ZCCHC17: variants seen among roughly 807,000 people sequenced by gnomAD.
ZCCHC17 encodes the protein zinc finger CCHC-type containing 17.
Under a neutral mutation model 30.6 loss-of-function variants are expected in ZCCHC17, and 18 were observed. That is an observed-to-expected ratio of 0.59 (90% CI 0.41 to 0.87). The LOEUF (loss-of-function observed/expected upper bound fraction) is 0.87. ZCCHC17 is among the 40% of genes least tolerant of loss of function. ZCCHC17 has a pLI of 0.00. For synonymous variants in ZCCHC17, 88 were observed against 92.4 expected (o/e 0.95, Z 0.27); for missense variants, 263 against 284.2 (o/e 0.93, Z 0.54).
intron 5 of ZCCHC17, among the ~76,000 whole-genome samples, chr1:31,339,960 C>CT (rs36008834): frequency 0.2 from 17,902 of 87,562 alleles, 3,458 homozygotes; most frequent in East Asian, 0.34. Context: ...TCTTGGATTT[C>CT]TTTTTTTTTT....
At chr1:31,337,771 G>A (rs1329859544) in intron 4 of ZCCHC17, among the ~76,000 whole-genome samples, 1 of 152,008 alleles carries the variant, frequency 6.6e-6, no homozygotes, top group Non-Finnish European at 1.5e-5. Flanking sequence ...AGGGCTGTGG[G>A]TGTGGGCCGA....
In ZCCHC17 at chr1:31,356,239, C is replaced by T. The variant is rs528076808; in HGVS notation, c.564+7265C>T. On this transcript the variant is annotated intron_variant, in intron 7 of 7. Transcript: ENST00000344147. ...TGTATGGTGGTAAAGGATAGAAACA[C>T]ATTCCAAGGAGGTTATTTGATTTTA... Among the ~76,000 whole-genome samples, 275 of 152,312 alleles carry T rather than the reference C, an allele frequency of 1.8e-3. 1 individual carries two copies. Among genetic ancestry groups the T allele is most frequent in the Middle Eastern group, 6.8e-3 (2 of 294 alleles).
At chr1:31,334,278 C>T (rs879738769) in intron 3 of ZCCHC17, among the ~76,000 whole-genome samples, 8 of 148,440 alleles carry the variant, frequency 5.4e-5, no homozygotes, top group Non-Finnish European at 8.9e-5. Flanking sequence ...TTTTGAGTTT[C>T]AGGCATCTGC....
chr1:31,358,611 G>C (rs570264200), intron 7 of ZCCHC17, among the ~76,000 whole-genome samples: 2 of 152,100 alleles, frequency 1.3e-5, no homozygotes, highest in East Asian at 3.9e-4. Context: ...TTAAGAGAAG[G>C]AATGCAGGAG....
chr1:31,348,742 C>T, intron 6 of ZCCHC17, 87 bp from the exon 7 acceptor site: 3 of 1,518,792 alleles, frequency 2.0e-6, no homozygotes, highest in Non-Finnish European at 2.7e-6. Context: ...GCCAGCTAGC[C>T]CATTTCAGGA....
chr1:31,334,847 A>G (rs879284736), intron 3 of ZCCHC17, among the ~76,000 whole-genome samples: 2 of 152,230 alleles, frequency 1.3e-5, no homozygotes, highest in African/African-American at 2.4e-5. Flanking sequence ...TGTTGTTTCT[A>G]AATTTTCCTG....
In ZCCHC17 at chr1:31,363,959, G is replaced by A. The variant is rs150721087; in HGVS notation, c.565-73G>A. The A allele has an allele frequency of 1.5e-3, 2,372 of 1,560,138 alleles. 10 individuals carry two copies. Among genetic ancestry groups the A allele is most frequent in the Non-Finnish European group, 1.0e-3 (1,179 of 1,155,082 alleles). On this transcript the variant is annotated intron_variant, in intron 7 of 7. Transcript: ENST00000344147. ...ATTACAGGTGTGAGCCACTGCACCT[G>A]GCCAATTATGTGCTATGATTGTTAA...
chr1:31,331,187 G>A (rs1157159834), intron 3 of ZCCHC17, among the ~76,000 whole-genome samples: 3 of 151,960 alleles, frequency 2.0e-5, no homozygotes, highest in African/African-American at 7.3e-5. Context: ...TGTCGCCCTG[G>A]CTGGAGTGCA....
chr1:31,338,833 T>C, intron 4 of ZCCHC17, 124 bp from the exon 5 acceptor site: 1 of 627,748 alleles, frequency 1.6e-6, no homozygotes, highest in South Asian at 2.0e-5. Context: ...GCAATGTTCC[T>C]AGCACAGTAC....
Position 31,364,384 on chromosome 1 carries a change from T to C in ZCCHC17, c.*191T>C. On this transcript the variant is annotated 3_prime_UTR_variant, in exon 8 of 8. Transcript: ENST00000344147. ...GTCAAAAGCAGCTGCCTGAATGAGT[T>C]GTTGTTTCCTTATCACTCCTGGTCC... 1.0e-6 allele frequency: 1 copy of C among 1,004,462 alleles called. No individual in the cohort carries two copies. The highest frequency in any genetic ancestry group is 2.0e-5 in the South Asian group (1 of 49,674). The allele number at this position is 1,004,462 out of a possible 1,614,324, so 62.2% of individuals were successfully genotyped here.
intron 3 of ZCCHC17, among the ~76,000 whole-genome samples, chr1:31,325,203 G>T (rs1420037828): frequency 1.3e-5 from 2 of 152,180 alleles, no homozygotes; most frequent in Non-Finnish European, 1.5e-5. Flanking sequence ...ACCTGCCTGT[G>T]GAAAGGAGCT....
chr1:31,309,916 A>C (rs1646557602), intron 1 of ZCCHC17, 128 bp from the exon 2 acceptor site: 3 of 471,110 alleles, frequency 6.4e-6, no homozygotes, highest in Non-Finnish European at 1.1e-5. Context: ...AACAAAAGAG[A>C]TTTGGATAAA....
At chr1:31,334,287 G>T (rs1287797247) in intron 3 of ZCCHC17, among the ~76,000 whole-genome samples, 1 of 143,930 alleles carries the variant, frequency 6.9e-6, no homozygotes, top group African/African-American at 2.5e-5. Context: ...TCAGGCATCT[G>T]CAGGCATCCA....
At chr1:31,348,675 A>G (rs888565080) in intron 6 of ZCCHC17, among the ~76,000 whole-genome samples, 154 bp from the exon 7 acceptor site, 1 of 152,218 alleles carries the variant, frequency 6.6e-6, no homozygotes, top group Non-Finnish European at 1.5e-5. Flanking sequence ...TTGAGGTGGT[A>G]GAAAATCTAC....
intron 3 of ZCCHC17, among the ~76,000 whole-genome samples, chr1:31,320,515 A>G (rs1289061224): frequency 6.6e-6 from 1 of 152,136 alleles, no homozygotes; most frequent in Non-Finnish European, 1.5e-5. Flanking sequence ...TCATTATTCT[A>G]CTTTGTCTCT....
intron 2 of ZCCHC17, among the ~76,000 whole-genome samples, chr1:31,317,180 A>T (rs938464287): frequency 2.0e-5 from 3 of 151,940 alleles, no homozygotes; most frequent in Admixed American, 6.6e-5. Flanking sequence ...GCCCACCACC[A>T]GACCCAGCTA....
intron 1 of ZCCHC17, among the ~76,000 whole-genome samples, chr1:31,306,258 G>A (rs548016992): frequency 6.6e-6 from 1 of 151,922 alleles, no homozygotes; most frequent in East Asian, 1.9e-4. Flanking sequence ...CTTCTCTTTG[G>A]TATACCAAAA....
At chr1:31,297,419 T>A (rs1324210599) in intron 1 of ZCCHC17, among the ~76,000 whole-genome samples, 1 of 152,148 alleles carries the variant, frequency 6.6e-6, no homozygotes, top group African/African-American at 2.4e-5. Flanking sequence ...TGCCACTGAT[T>A]TTGCAGTTTT....
chr1:31,322,730 T>A (rs1646889279), intron 3 of ZCCHC17, among the ~76,000 whole-genome samples: 1 of 152,020 alleles, frequency 6.6e-6, no homozygotes, highest in Admixed American at 6.5e-5. Flanking sequence ...AATTTCTTTT[T>A]TTTTTTTTTG....
Sources: gnomAD v4.1 joint callset for allele counts (sites outside exome capture counted in the v4.1 genomes callset) on GRCh38, gnomAD v4.1.1 for gene constraint, MANE v1.5 for transcripts, NCBI Gene and HGNC (gene_info 2026-07-23, HGNC 2026-07-21) for gene names.